VIM: variants seen among roughly 807,000 people sequenced by gnomAD.
VIM encodes the protein vimentin.
Under a neutral mutation model 50.3 loss-of-function variants are expected in VIM, and 18 were observed. That is an observed-to-expected ratio of 0.36 (90% CI 0.25 to 0.53). The LOEUF (loss-of-function observed/expected upper bound fraction) is 0.53, where lower values mean the gene tolerates loss of function less well. Among genes scored for constraint, VIM ranks in the 20% least tolerant of loss-of-function variants. The pLI is 0.91. For missense variants in VIM, 551 were observed against 614.7 expected, an observed-to-expected ratio of 0.90 and a Z score of 1.10; for synonymous variants, 245 against 248.5, an observed-to-expected ratio of 0.99 and a Z score of 0.13.
At chr10:17,230,173 C>T in intron 2 of VIM, 188 bp downstream of exon 2, 2 of 697,866 alleles carry the variant, frequency 2.9e-6, no homozygotes, top group Middle Eastern at 4.1e-4. Flanking sequence ...CCAGACCTTG[C>T]AGTTCGCATT....
At chr10:17,233,558 A>C in intron 3 of VIM, 29 bp from the exon 4 acceptor site, 1 of 1,606,032 alleles carries the variant, frequency 6.2e-7, no homozygotes, top group Non-Finnish European at 8.5e-7. Context: ...TACATCCTCC[A>C]TGTCCTGTCT....
At chr10:17,235,919 C>G (rs746789082) in intron 8 of VIM, 30 bp downstream of exon 8, 1 of 1,601,576 alleles carries the variant, frequency 6.2e-7, no homozygotes, top group African/African-American at 1.3e-5. Context: ...TTAGGAAAAA[C>G]GTCAGCTGCT....
chr10:17,235,731 A>G (rs1375366155), intron 7 of VIM, 115 bp from the exon 8 acceptor site: 4 of 1,006,016 alleles, frequency 4.0e-6, no homozygotes, highest in African/African-American at 1.6e-5. Context: ...TCTCTAGTTT[A>G]TGATTTAAAA....
In VIM at chr10:17,230,672, A is replaced by C. The variant is rs1269811567; in HGVS notation, c.586A>C (p.Arg196=). The change falls in exon 3 of 10, where the codon AGA becomes CGA. Residue 196 remains arginine (R), a synonymous_variant. Coordinates refer to ENST00000544301, the MANE Select transcript of VIM (RefSeq NM_003380.5). The part of the protein sequence containing the change: ...REKLQEEMLQ[R]EEAENTLQSF... ...CAGATTGCAGGAGGAGATGCTTCAG[A>C]GAGAGGAAGCCGAAAACACCCTGCA... 22 of 1,614,158 alleles carry C rather than the reference A, an allele frequency of 1.4e-5. No homozygotes were observed. The highest frequency in any genetic ancestry group is 1.9e-5 in the Non-Finnish European group (22 of 1,180,026).
At chr10:17,232,172 C>G (rs995030407) in intron 3 of VIM, among the ~76,000 whole-genome samples, 1 of 152,130 alleles carries the variant, frequency 6.6e-6, no homozygotes, top group Non-Finnish European at 1.5e-5. Context: ...AGTAAAATAT[C>G]TTTTATGTAT....
chr10:17,234,831 C>A lies in VIM; in HGVS notation c.1008+13C>A. The A allele has an allele frequency of 6.2e-7, 1 of 1,613,958 alleles. No homozygotes were observed. Among genetic ancestry groups the A allele is most frequent in the Non-Finnish European group, 8.5e-7 (1 of 1,179,998 alleles). ...CCTTAAAGGAACCGTGAGTACCAACCCTGCAGTAAAAGAGGGAAAATAATG... is the reference window on the plus strand; with the variant it reads ...CCTTAAAGGAACCGTGAGTACCAACACTGCAGTAAAAGAGGGAAAATAATG... On this transcript the variant is annotated intron_variant, in intron 6 of 9. Transcript: ENST00000544301.
chr10:17,237,248 C>T lies in VIM; in HGVS notation c.1378C>T (p.Gln460Ter). Reference protein sequence around the residue: ...RDGQVINETSQHHDDLE With the variant: ...RDGQVINETS ...TAAACAGGTTATCAACGAAACTTCT[C>T]AGCATCACGATGACCTTGAATAAAA... Residue 460 changes from glutamine to a stop codon, truncating the protein, a stop_gained, in exon 10 of 10, where the codon CAG (glutamine) becomes TAG (stop). Coordinates refer to ENST00000544301, the MANE Select transcript of VIM (RefSeq NM_003380.5). LOFTEE classifies it high-confidence loss of function. The T allele has an allele frequency of 2.5e-6, 4 of 1,605,940 alleles. No homozygotes were observed. The highest frequency in any genetic ancestry group is 3.4e-6 in the Non-Finnish European group (4 of 1,175,250).
intron 2 of VIM, 189 bp downstream of exon 2, chr10:17,230,174 A>C: frequency 1.4e-6 from 1 of 693,168 alleles, no homozygotes; most frequent in Non-Finnish European, 2.4e-6. Flanking sequence ...CAGACCTTGC[A>C]GTTCGCATTT....
At chr10:17,230,092 CG>C (rs35464523) in intron 2 of VIM, 107 bp downstream of exon 2, 9 of 1,343,846 alleles carry the variant, frequency 6.7e-6, no homozygotes, top group South Asian at 1.5e-5. Flanking sequence ...GGGATGTGGC[CG>C]GGGGGAGGCC....
rs113807464 is a variant in VIM, at chr10:17,234,690, C to T, written c.883-3C>T. The T allele has an allele frequency of 4.3e-6, 7 of 1,613,800 alleles. No individual in the cohort carries two copies. In the African/African-American group the frequency reaches 8.0e-5, roughly 18 times the overall value. On this transcript the variant is annotated splice_polypyrimidine_tract_variant and splice_region_variant and intron_variant, in intron 5 of 9. Transcript: ENST00000544301. ...ATCTACATTTCTGTTTTCTTCCCAA[C>T]AGTTTGCTGACCTCTCTGAGGCTGC...
At chr10:17,236,872 A>G (rs1165911051) in intron 9 of VIM, among the ~76,000 whole-genome samples, 1 of 152,184 alleles carries the variant, frequency 6.6e-6, no homozygotes, top group Non-Finnish European at 1.5e-5. Flanking sequence ...GTCATCATGA[A>G]ATCTTCCCTT....
chr10:17,230,821 G>T (rs1846778257), intron 3 of VIM, 111 bp downstream of exon 3: 3 of 1,219,844 alleles, frequency 2.5e-6, no homozygotes, highest in Non-Finnish European at 3.6e-6. Context: ...CTTCAGGGCT[G>T]CGCGTAAAGC....
chr10:17,233,473 CG>C, intron 3 of VIM, 113 bp from the exon 4 acceptor site: 1 of 1,028,626 alleles, frequency 9.7e-7, no homozygotes, highest in Non-Finnish European at 1.5e-6. Context: ...AATGTGTCAA[CG>C]GCTTTTCTAT....
intron 6 of VIM, 98 bp downstream of exon 6, chr10:17,234,916 T>C (rs1846861082): frequency 6.5e-7 from 1 of 1,538,216 alleles, no homozygotes; most frequent in African/African-American, 1.4e-5. Context: ...TGAGTAAAAA[T>C]GTATATCATA....
Position 17,235,119 on chromosome 10 carries a change from G to A in VIM, c.1009-50G>A, listed in dbSNP as rs759486163. On this transcript the variant is annotated intron_variant, in intron 6 of 9. Transcript: ENST00000544301. ...AGGTCTGTAAATGGTTCTGGGAACA[G>A]CTGGGTTTTTCTGAGAAATAACACC... 106 of 1,600,698 alleles carry A rather than the reference G, an allele frequency of 6.6e-5. 4 individuals are homozygous for A. In the South Asian group the frequency reaches 1.2e-3, roughly 17 times the overall value.
intron 5 of VIM, chr10:17,234,247 TG>T: frequency 2.7e-6 from 1 of 371,002 alleles, no homozygotes. Flanking sequence ...CCCTAAGAGC[TG>T]GAACCACAGG....
chr10:17,230,850 C>A, intron 3 of VIM, 140 bp downstream of exon 3: 1 of 894,020 alleles, frequency 1.1e-6, no homozygotes, highest in Non-Finnish European at 1.8e-6. Flanking sequence ...GGCGGGAAGA[C>A]CACAGGTTGG....
At chr10:17,235,097 T>C in intron 6 of VIM, 72 bp from the exon 7 acceptor site, 2 of 1,541,000 alleles carry the variant, frequency 1.3e-6, no homozygotes, top group South Asian at 1.1e-5. Flanking sequence ...TTGCAGAAGG[T>C]CTGTAAATGG....
chr10:17,232,490 C>T (rs1846815298), intron 3 of VIM, among the ~76,000 whole-genome samples: 1 of 152,178 alleles, frequency 6.6e-6, no homozygotes, highest in African/African-American at 2.4e-5. Context: ...GCAAGCTTGA[C>T]CAGTCATTCT....
Sources: allele counts gnomAD v4.1 joint callset (sites outside exome capture counted in the v4.1 genomes callset), GRCh38; gene constraint gnomAD v4.1.1; transcripts MANE v1.5; gene names NCBI Gene and HGNC (gene_info 2026-07-23, HGNC 2026-07-21).